The following GRIK2 variants were observed in gnomAD, a reference collection of about 807,000 sequenced individuals.
GRIK2 encodes the protein glutamate receptor ionotropic, kainate 2.
In GRIK2, 32 loss-of-function variants were observed where a neutral mutation model predicts 100.3. The observed-to-expected ratio is 0.32, with a 90% confidence interval of 0.24 to 0.43. The LOEUF (loss-of-function observed/expected upper bound fraction) is 0.43. Ranked by LOEUF, GRIK2 falls within the 20% of genes least tolerant of loss-of-function variation. The probability of loss-of-function intolerance (pLI) is 1.00; values close to 1 mark genes in which losing one functional copy is unlikely to be tolerated. For missense variants in GRIK2, 843 were observed against 1,114.9 expected (o/e 0.76, Z 3.47); for synonymous variants, 417 against 389.4 (o/e 1.07, Z -0.83).
chr6:101,753,529 A>G (rs947274485), intron 7 of GRIK2, among the ~76,000 whole-genome samples: 1 of 152,126 alleles, frequency 6.6e-6, no homozygotes, highest in Non-Finnish European at 1.5e-5. Flanking sequence ...TTATGAATAC[A>G]ATCCATGAAA....
rs1554292263 is a variant in GRIK2, at chr6:101,955,616, C to CTCTCTCTCT, written c.2085+26984_2085+26985insTCTCTCTCT. On this transcript the variant is annotated intron_variant, in intron 14 of 16. Coordinates refer to ENST00000369134, the MANE Select transcript of GRIK2 (RefSeq NM_021956.5). ...TCTCTCTCTCTCTCTCTCTCTCTCTCCCCCCCATTTCTTTTACAGTCAGAT... is the reference window on the plus strand; with the variant it reads ...TCTCTCTCTCTCTCTCTCTCTCTCTCTCTCTCTCTCCCCCCATTTCTTTTACAGTCAGAT... Among the ~76,000 whole-genome samples, 55 of 135,470 alleles carry CTCTCTCTCT rather than the reference C, an allele frequency of 4.1e-4. 1 individual carries two copies. Among genetic ancestry groups the CTCTCTCTCT allele is most frequent in the Non-Finnish European group, 6.4e-4 (41 of 64,172 alleles). 88.9% of individuals were successfully genotyped at this position (135,470 alleles called of 152,430 possible).
At chr6:101,444,852 T>G (rs1417000460) in intron 2 of GRIK2, among the ~76,000 whole-genome samples, 2 of 152,164 alleles carry the variant, frequency 1.3e-5, no homozygotes, top group Non-Finnish European at 2.9e-5. Context: ...CTCTGTTTTC[T>G]TATCTTTGCC....
chr6:101,830,430 T>G (rs939832611), intron 10 of GRIK2, among the ~76,000 whole-genome samples: 10 of 151,758 alleles, frequency 6.6e-5, no homozygotes. Flanking sequence ...GTGACCTACT[T>G]AAAGAAGTTC....
At chr6:101,917,119 A>G (rs1183562981) in intron 12 of GRIK2, among the ~76,000 whole-genome samples, 3 of 151,622 alleles carry the variant, frequency 2.0e-5, no homozygotes, top group Non-Finnish European at 4.4e-5. Context: ...GATAGTTGTT[A>G]TAACTGGCCC....
At chr6:101,784,617 A>G (rs1779310111) in intron 7 of GRIK2, among the ~76,000 whole-genome samples, 1 of 152,146 alleles carries the variant, frequency 6.6e-6, no homozygotes, top group Non-Finnish European at 1.5e-5. Flanking sequence ...TGTAATCACC[A>G]TGTTTCAAGG....
intron 10 of GRIK2, among the ~76,000 whole-genome samples, chr6:101,841,395 T>C (rs2128434552): frequency 6.6e-6 from 1 of 151,850 alleles, no homozygotes; most frequent in African/African-American, 2.4e-5. Flanking sequence ...ACGGTTTCTC[T>C]CTCTGTTGCC....
At chr6:101,890,963 C>A (rs1467208700) in intron 12 of GRIK2, among the ~76,000 whole-genome samples, 1 of 145,104 alleles carries the variant, frequency 6.9e-6, no homozygotes. Context: ...GATAAAAATA[C>A]CTATAAAGTG....
At chr6:101,465,701 A>T (rs1339028426) in intron 2 of GRIK2, among the ~76,000 whole-genome samples, 2 of 151,966 alleles carry the variant, frequency 1.3e-5, no homozygotes, top group Non-Finnish European at 2.9e-5. Flanking sequence ...CACTGACAAG[A>T]CTCTCCTAAA....
chr6:101,821,645 C>T (rs889863605), intron 10 of GRIK2, among the ~76,000 whole-genome samples: 1 of 151,890 alleles, frequency 6.6e-6, no homozygotes, highest in African/African-American at 2.4e-5. Context: ...TATTTTTATA[C>T]CTTTTAGTTA....
At chr6:101,574,750 A>G (rs1173805518) in intron 2 of GRIK2, among the ~76,000 whole-genome samples, 1 of 151,882 alleles carries the variant, frequency 6.6e-6, no homozygotes, top group Non-Finnish European at 1.5e-5. Flanking sequence ...AGAATGGCAA[A>G]TTTAAGGCTA....
intron 2 of GRIK2, among the ~76,000 whole-genome samples, chr6:101,420,727 G>A (rs984554753): frequency 8.5e-5 from 13 of 152,138 alleles, no homozygotes; most frequent in African/African-American, 3.1e-4. Flanking sequence ...TTCAGGAAGA[G>A]CAGAAATGGA....
At chr6:102,049,921 A>G (rs1771083114) in intron 15 of GRIK2, among the ~76,000 whole-genome samples, 1 of 152,178 alleles carries the variant, frequency 6.6e-6, no homozygotes, top group Non-Finnish European at 1.5e-5. Flanking sequence ...TTTTAAATAT[A>G]GGATAATGTG....
chr6:101,753,153 G>A (rs1039189617), intron 7 of GRIK2, among the ~76,000 whole-genome samples: 1 of 151,854 alleles, frequency 6.6e-6, no homozygotes, highest in Non-Finnish European at 1.5e-5. Context: ...GTGGTGGCGG[G>A]CGCCTGTAGT....
chr6:102,041,245 A>T (rs1283396768), intron 15 of GRIK2, among the ~76,000 whole-genome samples: 9 of 151,658 alleles, frequency 5.9e-5, no homozygotes, highest in Non-Finnish European at 1.3e-4. Flanking sequence ...GTACCCAAAC[A>T]ATGTAGAAAT....
intron 7 of GRIK2, among the ~76,000 whole-genome samples, chr6:101,766,037 T>C (rs1778027745): frequency 6.6e-6 from 1 of 152,122 alleles, no homozygotes; most frequent in Non-Finnish European, 1.5e-5. Flanking sequence ...TAAAATGTCT[T>C]TGTTTTGCAA....
At chr6:101,846,734 T>C (rs1783831887) in intron 10 of GRIK2, among the ~76,000 whole-genome samples, 1 of 152,042 alleles carries the variant, frequency 6.6e-6, no homozygotes. Context: ...TGAGGAAGTT[T>C]TGATAGCAGT....
intron 7 of GRIK2, among the ~76,000 whole-genome samples, chr6:101,722,818 T>C (rs1347988751): frequency 2.0e-5 from 3 of 151,970 alleles, no homozygotes; most frequent in Non-Finnish European, 4.4e-5. Flanking sequence ...TCCAAGGAAG[T>C]CTGGGGCCAA....
intron 11 of GRIK2, among the ~76,000 whole-genome samples, chr6:101,865,942 A>T (rs1034067062): frequency 6.6e-6 from 1 of 151,874 alleles, no homozygotes; most frequent in Non-Finnish European, 1.5e-5. Flanking sequence ...AAAAAATTAC[A>T]ACCAACAACA....
chr6:102,069,294 CAAATAATAA>C lies in GRIK2; in HGVS notation c.*784_*792del, dbSNP rs1397837689. On this transcript the variant is annotated 3_prime_UTR_variant, in exon 17 of 17. Coordinates refer to ENST00000369134, the MANE Select transcript of GRIK2 (RefSeq NM_021956.5). ...CACCTTTTCTCTAACCCCCATATCC[CAAATAATAA>C]TAATAATAATAATAATAATAATAAT... The C allele has an allele frequency of 3.6e-5, 4 of 112,286 alleles. No homozygotes were observed. Among genetic ancestry groups the C allele is most frequent in the Non-Finnish European group, 6.8e-5 (4 of 58,714 alleles). 7.0% of individuals were successfully genotyped at this position (112,286 alleles called of 1,614,324 possible).
Sources: gnomAD v4.1 joint callset for allele counts (sites outside exome capture counted in the v4.1 genomes callset) on GRCh38, gnomAD v4.1.1 for gene constraint, MANE v1.5 for transcripts, NCBI Gene and HGNC (gene_info 2026-07-23, HGNC 2026-07-21) for gene names.